CTNNBL1: variants seen among roughly 807,000 people sequenced by gnomAD.
The protein encoded by CTNNBL1 is beta-catenin-like protein 1.
A neutral mutation model predicts 72.7 loss-of-function variants in CTNNBL1; 31 were observed. That is an observed-to-expected ratio of 0.43 (90% CI 0.32 to 0.58). The LOEUF (loss-of-function observed/expected upper bound fraction) is 0.58, where lower values mean the gene tolerates loss of function less well. Ranked by LOEUF, CTNNBL1 falls within the 20% of genes least tolerant of loss-of-function variation. The pLI is 0.08. For missense variants in CTNNBL1, 534 were observed against 725.1 expected (o/e 0.74, Z 3.03); for synonymous variants, 240 against 267.3 (o/e 0.90, Z 1.00).
intron 11 of CTNNBL1, among the ~76,000 whole-genome samples, chr20:37,820,596 A>G (rs751934814): frequency 2.1e-4 from 32 of 152,044 alleles, no homozygotes; most frequent in East Asian, 5.8e-4. Flanking sequence ...GTTTCCCCCA[A>G]TCTCTTCTCG....
chr20:37,787,565 C>T (rs989481486), intron 10 of CTNNBL1, among the ~76,000 whole-genome samples: 2 of 152,208 alleles, frequency 1.3e-5, no homozygotes, highest in Non-Finnish European at 2.9e-5. Context: ...GGGATGGTCT[C>T]GATCTCCTGA....
chr20:37,833,384 C>T (rs2072227801), intron 11 of CTNNBL1, among the ~76,000 whole-genome samples: 1 of 152,188 alleles, frequency 6.6e-6, no homozygotes, highest in African/African-American at 2.4e-5. Flanking sequence ...TAGTTAGTGT[C>T]TGTCTGAGGC....
chr20:37,793,009 TTTG>T (rs2073738939), intron 10 of CTNNBL1, among the ~76,000 whole-genome samples: 1 of 152,244 alleles, frequency 6.6e-6, no homozygotes, highest in African/African-American at 2.4e-5. Context: ...GAGAACATAC[TTTG>T]ATTTCAGCCT....
intron 13 of CTNNBL1, among the ~76,000 whole-genome samples, chr20:37,852,032 T>C (rs2072401251): frequency 6.6e-6 from 1 of 152,248 alleles, no homozygotes; most frequent in South Asian, 2.1e-4. Context: ...GTAAGATTAA[T>C]GCAGGTGCCC....
At chr20:37,817,236 C>T (rs2072068143) in intron 11 of CTNNBL1, among the ~76,000 whole-genome samples, 1 of 152,182 alleles carries the variant, frequency 6.6e-6, no homozygotes, top group Non-Finnish European at 1.5e-5. Context: ...GAATTTTAAT[C>T]ACCAAGGCAA....
In CTNNBL1 at chr20:37,765,140, C is replaced by T. The variant is rs2073454523; in HGVS notation, c.565-57C>T. Reference sequence around the variant, plus strand: ...GGAGAAGTAAGTATGGGAACGGGAACATTTTGGGGACCATTTTATGACATC... The same window carrying T: ...GGAGAAGTAAGTATGGGAACGGGAATATTTTGGGGACCATTTTATGACATC... On this transcript the variant is annotated intron_variant, in intron 5 of 15. Coordinates refer to ENST00000361383, the MANE Select transcript of CTNNBL1 (RefSeq NM_030877.5). 3 of 1,191,194 alleles carry T rather than the reference C, an allele frequency of 2.5e-6. No homozygotes were observed. The East Asian group carries it at 7.6e-5, about 30-fold the overall frequency. The allele number at this position is 1,191,194 out of a possible 1,614,324, so 73.8% of individuals were successfully genotyped here. A position where few individuals can be genotyped will look rare whatever the true frequency, so the allele number is the denominator to read the frequency against.
In CTNNBL1 at chr20:37,746,569, T is replaced by G. The variant is rs1303469003; in HGVS notation, c.428T>G (p.Val143Gly). Reference sequence around the variant, plus strand: ...CACCTTCTGGTGGAGCTGAATGCTGTACAGTCGCTTCTCGGCTTGCTCGGA... The same window carrying G: ...CACCTTCTGGTGGAGCTGAATGCTGGACAGTCGCTTCTCGGCTTGCTCGGA... ...LYHLLVELNA[V>G]QSLLGLLGHD... The change falls in exon 4 of 16, where the codon GTA (valine) becomes GGA (glycine). Residue 143 changes from valine to glycine, a missense_variant. Physicochemically the swap from Val to Gly is moderately radical, Grantham distance 109 (BLOSUM62 -3). Coordinates refer to ENST00000361383, the MANE Select transcript of CTNNBL1 (RefSeq NM_030877.5). The G allele has an allele frequency of 6.2e-7, 1 of 1,614,174 alleles. No homozygotes were observed. The highest frequency in any genetic ancestry group is 1.3e-5 in the African/African-American group (1 of 75,068).
intron 10 of CTNNBL1, among the ~76,000 whole-genome samples, 176 bp from the exon 11 acceptor site, chr20:37,802,691 C>T (rs2073832579): frequency 6.6e-6 from 1 of 152,014 alleles, no homozygotes; most frequent in Non-Finnish European, 1.5e-5. Flanking sequence ...TTGTGTTTAT[C>T]ATTCTGACTG....
At chr20:37,778,615 A>G (rs1174631708) in intron 9 of CTNNBL1, among the ~76,000 whole-genome samples, 2 of 152,220 alleles carry the variant, frequency 1.3e-5, no homozygotes, top group Non-Finnish European at 2.9e-5. Context: ...AGCCCTTCCC[A>G]TGAATTAAAG....
chr20:37,826,268 T>TA (rs1333772671), intron 11 of CTNNBL1, among the ~76,000 whole-genome samples: 2 of 152,224 alleles, frequency 1.3e-5, no homozygotes, highest in African/African-American at 4.8e-5. Context: ...AGGTAACACT[T>TA]AAACACTTTT....
Position 37,777,141 on chromosome 20 carries a change from G to C in CTNNBL1, c.751-204G>C, listed in dbSNP as rs113961041. 1.4e-3 allele frequency: 730 copies of C among 523,656 alleles called. 7 individuals carry two copies. The highest frequency in any genetic ancestry group is 0.011 in the African/African-American group (562 of 52,404). 32.4% of individuals were successfully genotyped at this position (523,656 alleles called of 1,614,324 possible). On this transcript the variant is annotated intron_variant, in intron 7 of 15. Coordinates refer to ENST00000361383, the MANE Select transcript of CTNNBL1 (RefSeq NM_030877.5). ...TAACCTTAATACCTGGGCATTAAGA[G>C]TGTGAGAGCCATTGTTTCAATCTGT...
chr20:37,766,961 T>C lies in CTNNBL1; in HGVS notation c.659-992T>C, dbSNP rs534680970. On this transcript the variant is annotated intron_variant, in intron 6 of 15. Transcript: ENST00000361383. ...ATTCAGGGTGTCGTAGTGCTCTTCATCTCTCAGGGTTTCCTTGCTCCTCTG... is the reference window on the plus strand; with the variant it reads ...ATTCAGGGTGTCGTAGTGCTCTTCACCTCTCAGGGTTTCCTTGCTCCTCTG... Among the ~76,000 whole-genome samples, 224 of 152,316 alleles carry C rather than the reference T, an allele frequency of 1.5e-3. 1 individual carries two copies. The highest frequency in any genetic ancestry group is 6.8e-3 in the Middle Eastern group (2 of 294).
chr20:37,716,182 G>T (rs557128871), intron 1 of CTNNBL1, among the ~76,000 whole-genome samples: 1 of 152,256 alleles, frequency 6.6e-6, no homozygotes, highest in East Asian at 1.9e-4. Flanking sequence ...GCCCAGCAAG[G>T]TATGCATTTT....
At chr20:37,858,074 G>A (rs368908542) in intron 13 of CTNNBL1, among the ~76,000 whole-genome samples, 1 of 152,236 alleles carries the variant, frequency 6.6e-6, no homozygotes, top group Admixed American at 6.5e-5. Context: ...GCATGCACCT[G>A]TAGTCCTAGC....
chr20:37,833,067 A>G (rs1374791261), intron 11 of CTNNBL1, among the ~76,000 whole-genome samples: 2 of 152,194 alleles, frequency 1.3e-5, no homozygotes, highest in African/African-American at 4.8e-5. Context: ...AATGTCTGTC[A>G]TGATTTGGAG....
chr20:37,851,560 C>T (rs1276665298), intron 13 of CTNNBL1, among the ~76,000 whole-genome samples: 1 of 152,090 alleles, frequency 6.6e-6, no homozygotes, highest in Admixed American at 6.5e-5. Flanking sequence ...AGACTTTTTC[C>T]TTTTTTGAAC....
intron 7 of CTNNBL1, among the ~76,000 whole-genome samples, chr20:37,775,223 T>C (rs1600480108): frequency 6.6e-6 from 1 of 152,258 alleles, no homozygotes; most frequent in East Asian, 1.9e-4. Context: ...TTAAATATCA[T>C]AGTTACTTCC....
At chr20:37,859,781 T>G in intron 13 of CTNNBL1, 118 bp from the exon 14 acceptor site, 1 of 970,262 alleles carries the variant, frequency 1.0e-6, no homozygotes, top group Non-Finnish European at 1.5e-6. Flanking sequence ...GATGAGGTGA[T>G]TTTCTTTTGC....
At chr20:37,713,486 T>C (rs1249249490) in intron 1 of CTNNBL1, among the ~76,000 whole-genome samples, 1 of 152,206 alleles carries the variant, frequency 6.6e-6, no homozygotes, top group Non-Finnish European at 1.5e-5. Flanking sequence ...TTAGCTATGC[T>C]TCACCTTGTG....
Sources: allele counts gnomAD v4.1 joint callset (sites outside exome capture counted in the v4.1 genomes callset), GRCh38; gene constraint gnomAD v4.1.1; transcripts MANE v1.5; gene names NCBI Gene and HGNC (gene_info 2026-07-23, HGNC 2026-07-21).